SLC1A4: variants seen among roughly 807,000 people sequenced by gnomAD.
SLC1A4 encodes solute carrier family 1 member 4, also known as neutral amino acid transporter A.
Under a neutral mutation model 37.7 loss-of-function variants are expected in SLC1A4, and 19 were observed. That is an observed-to-expected ratio of 0.50 (90% CI 0.35 to 0.74). SLC1A4 has a LOEUF of 0.74. Ranked by LOEUF, SLC1A4 falls within the 30% of genes least tolerant of loss-of-function variation. The probability of loss-of-function intolerance (pLI) is 0.01; values close to 1 mark genes in which losing one functional copy is unlikely to be tolerated. For synonymous variants in SLC1A4, 299 were observed against 309.8 expected, an observed-to-expected ratio of 0.97 and a Z score of 0.37; for missense variants, 570 against 712.9, an observed-to-expected ratio of 0.80 and a Z score of 2.28.
At chr2:65,001,385 G>C in intron 1 of SLC1A4, 63 bp from the exon 2 acceptor site, 1 of 1,476,532 alleles carries the variant, frequency 6.8e-7, no homozygotes, top group Non-Finnish European at 9.5e-7. Flanking sequence ...CTGGGCAACA[G>C]GGACCTCATC....
chr2:65,009,391 GAAAA>G (rs990201062), intron 3 of SLC1A4, among the ~76,000 whole-genome samples: 1 of 146,096 alleles, frequency 6.8e-6, no homozygotes, highest in African/African-American at 2.5e-5. Flanking sequence ...AAAAAAAAAA[GAAAA>G]GAAAGAAAGA....
intron 1 of SLC1A4, among the ~76,000 whole-genome samples, chr2:64,991,832 A>G (rs2103628928): frequency 6.6e-6 from 1 of 152,100 alleles, no homozygotes; most frequent in East Asian, 1.9e-4. Context: ...TGATCTCCTG[A>G]CCTCGTGAGC....
Position 65,016,482 on chromosome 2 carries a change from C to G in SLC1A4, c.843C>G (p.Ile281Met). The change falls in exon 5 of 8, where the codon ATC (isoleucine) becomes ATG (methionine). Residue 281 changes from isoleucine to methionine, a missense_variant. By Grantham distance (10) the Ile-to-Met change is conservative (BLOSUM62 1). Coordinates refer to ENST00000234256, the MANE Select transcript of SLC1A4 (RefSeq NM_003038.5). ...TCATGTTCCTTGTTGGAAGCAAGAT[C>G]GTGGAAATGAAAGACATCATCGTGC... ...VGIMFLVGSKIVEMKDIIVLV... is the reference protein window; with the variant it reads ...VGIMFLVGSKMVEMKDIIVLV... The G allele has an allele frequency of 1.2e-6, 2 of 1,614,136 alleles. No individual in the cohort carries two copies. The highest frequency in any genetic ancestry group is 2.7e-5 in the African/African-American group (2 of 75,022).
At position 65,020,926 on chromosome 2, in the gene SLC1A4, C is replaced by A. The variant is rs1439142955; in HGVS notation, c.1379C>A (p.Thr460Lys). Reference sequence around the variant, plus strand: ...TTTCCCACCAGGGACCGGACCACCACGGTGGTGAATGTGGAAGGGGATGCC... The same window carrying A: ...TTTCCCACCAGGGACCGGACCACCAAGGTGGTGAATGTGGAAGGGGATGCC... Reference protein sequence around the residue: ...AVDWIVDRTTTVVNVEGDALG... With the variant: ...AVDWIVDRTTKVVNVEGDALG... Residue 460 changes from threonine (T) to lysine (K), a missense_variant, in exon 8 of 8, where the codon ACG becomes AAG. Transcript: ENST00000234256. 1 of 1,613,196 alleles carries A rather than the reference C, an allele frequency of 6.2e-7. No homozygotes were observed. The highest frequency in any genetic ancestry group is 8.5e-7 in the Non-Finnish European group (1 of 1,179,272).
chr2:64,991,410 G>T (rs1673045620), intron 1 of SLC1A4, among the ~76,000 whole-genome samples: 1 of 145,710 alleles, frequency 6.9e-6, no homozygotes, highest in Non-Finnish European at 1.5e-5. Context: ...GGACTTTTAA[G>T]GGGATCACAG....
intron 3 of SLC1A4, among the ~76,000 whole-genome samples, chr2:65,004,731 C>T (rs927694315): frequency 1.2e-4 from 19 of 152,068 alleles, no homozygotes; most frequent in African/African-American, 4.6e-4. Flanking sequence ...CCATATTTTA[C>T]CATGTAAATA....
At chr2:64,990,344 C>G (rs1673007215) in intron 1 of SLC1A4, among the ~76,000 whole-genome samples, 174 bp downstream of exon 1, 1 of 152,174 alleles carries the variant, frequency 6.6e-6, no homozygotes, top group Non-Finnish European at 1.5e-5. Context: ...GCGTGCTGAC[C>G]ACACCTTTGC....
chr2:65,010,840 G>A, intron 4 of SLC1A4, 77 bp downstream of exon 4: 2 of 1,476,146 alleles, frequency 1.4e-6, no homozygotes, highest in Non-Finnish European at 1.8e-6. Context: ...GCTGTTCTAG[G>A]TACCTGTGTG....
rs1572975571 is a variant in SLC1A4, at chr2:65,021,370, T to C, written c.*224T>C. 13 of 567,426 alleles carry C rather than the reference T, an allele frequency of 2.3e-5. 1 individual carries two copies. The East Asian group carries it at 3.8e-4, about 17-fold the overall frequency. The allele number at this position is 567,426 out of a possible 1,614,324, so 35.1% of individuals were successfully genotyped here. ...ACTCTGACATTCGGCTTGATCCATG[T>C]CCAGGTGCAACTGTGTGTACACCAG... On this transcript the variant is annotated 3_prime_UTR_variant, in exon 8 of 8. Transcript: ENST00000234256.
Position 65,018,265 on chromosome 2 carries a change from T to C in SLC1A4, c.1229T>C (p.Leu410Pro), listed in dbSNP as rs1674248054. 3 of 1,610,682 alleles carry C rather than the reference T, an allele frequency of 1.9e-6. No homozygotes were observed. The highest frequency in any genetic ancestry group is 2.5e-6 in the Non-Finnish European group (3 of 1,177,324). ...AACGCAGGACAGATTTTCACCATTC[T>C]GTAAGTTCCTCATTCTTTCCCTGGC... ...ELNAGQIFTILVTATASSVGA... is the reference protein window; with the variant it reads ...ELNAGQIFTIPVTATASSVGA... Residue 410 changes from leucine (L) to proline (P), a missense_variant and splice_region_variant, in exon 6 of 8, where the codon CTA (leucine) becomes CCA (proline). Transcript: ENST00000234256. This position sits in a 1 kb window ranked among gnomAD's most constrained non-coding sequence, Gnocchi z 4.3.
At position 65,018,647 on chromosome 2, in the gene SLC1A4, C is replaced by T; in HGVS notation, c.1332C>T (p.Asp444=). 6.2e-7 allele frequency: 1 copy of T among 1,614,204 alleles called. No homozygotes were observed. The highest frequency in any genetic ancestry group is 8.5e-7 in the Non-Finnish European group (1 of 1,180,026). The part of the protein sequence containing the change: ...ILEAIGLPTH[D]LPLILAVDWI... Reference sequence around the variant, plus strand: ...AGGCCATTGGGCTGCCTACTCATGACCTGCCTCTGATCCTGGCTGTGGACT... The same window carrying T: ...AGGCCATTGGGCTGCCTACTCATGATCTGCCTCTGATCCTGGCTGTGGACT... The change falls in exon 7 of 8, where the codon GAC becomes GAT. Residue 444 remains aspartate, a synonymous_variant. Transcript: ENST00000234256. This position sits in a 1 kb window ranked among gnomAD's most constrained non-coding sequence, Gnocchi z 4.3.
chr2:65,006,381 A>G (rs1000194535), intron 3 of SLC1A4, among the ~76,000 whole-genome samples: 2 of 152,122 alleles, frequency 1.3e-5, no homozygotes, highest in African/African-American at 2.4e-5. Flanking sequence ...AATCCCAGCT[A>G]CTTGGGAGGC....
intron 1 of SLC1A4, among the ~76,000 whole-genome samples, chr2:64,999,145 T>G (rs1436747149): frequency 6.6e-6 from 1 of 152,250 alleles, no homozygotes; most frequent in Non-Finnish European, 1.5e-5. Flanking sequence ...TCATCTATAC[T>G]CCGAAAACTA....
At chr2:64,998,044 T>C (rs544160041) in intron 1 of SLC1A4, among the ~76,000 whole-genome samples, 24 of 152,172 alleles carry the variant, frequency 1.6e-4, no homozygotes, top group Non-Finnish European at 3.2e-4. Context: ...TCATCCTGGC[T>C]AACATGGTGA....
rs1163210532 is a variant in SLC1A4 at position 64,989,981 on chromosome 2, T to C, written c.338T>C (p.Leu113Pro). Reference protein sequence around the residue: ...ASLDASCLGRLGGIAVAYFGL... With the variant: ...ASLDASCLGRPGGIAVAYFGL... ...CTCGATGCCAGCTGCCTCGGGCGTC[T>C]GGGCGGCATCGCTGTCGCCTACTTT... The change falls in exon 1 of 8, where the codon CTG becomes CCG. Residue 113 changes from leucine (L) to proline (P), a missense_variant. Coordinates refer to ENST00000234256, the MANE Select transcript of SLC1A4 (RefSeq NM_003038.5). 6.3e-7 allele frequency: 1 copy of C among 1,586,322 alleles called. No homozygotes were observed.
Position 65,021,438 on chromosome 2 carries a change from AATC to A in SLC1A4, c.*295_*297del, listed in dbSNP as rs1483420359. ...ACCCCTTGAGCTGCCAGGCTCAAGA[AATC>A]ATGGACTCACAGGGTCCTGTGTGGT... On this transcript the variant is annotated 3_prime_UTR_variant, in exon 8 of 8. Transcript: ENST00000234256. The A allele has an allele frequency of 2.3e-6, 1 of 433,608 alleles. No individual in the cohort carries two copies. Among genetic ancestry groups the A allele is most frequent in the Non-Finnish European group, 4.2e-6 (1 of 239,510 alleles). The allele number at this position is 433,608 out of a possible 1,614,324, so 26.9% of individuals were successfully genotyped here. A position where few individuals can be genotyped will look rare whatever the true frequency, so the allele number is the denominator to read the frequency against.
rs900385811 is a variant in SLC1A4, at chr2:65,023,387, T to C, written c.*2241T>C. On this transcript the variant is annotated 3_prime_UTR_variant, in exon 8 of 8. Transcript: ENST00000234256. ...AGTTTTAGCTCCAAGCCAAGCAAGTTTGTGTTTGGATAGAGGGGAACTTAA... is the reference window on the plus strand; with the variant it reads ...AGTTTTAGCTCCAAGCCAAGCAAGTCTGTGTTTGGATAGAGGGGAACTTAA... 9.9e-5 allele frequency: 15 copies of C among 152,160 alleles called. No homozygotes were observed. Among genetic ancestry groups the C allele is most frequent in the African/African-American group, 3.4e-4 (14 of 41,416 alleles). The allele number at this position is 152,160 out of a possible 1,614,324, so 9.4% of individuals were successfully genotyped here.
chr2:65,022,949 G>A lies in SLC1A4; in HGVS notation c.*1803G>A, dbSNP rs1018011823. On this transcript the variant is annotated 3_prime_UTR_variant, in exon 8 of 8. Coordinates refer to ENST00000234256, the MANE Select transcript of SLC1A4 (RefSeq NM_003038.5). ...TGAGATGAGAATGGGTAGATGGAAC[G>A]GAGACCATCAAGCCACACCCCCTTC... is the stretch of plus-strand genomic sequence containing the variant. The A allele has an allele frequency of 6.6e-6, 1 of 152,188 alleles. No individual in the cohort carries two copies. The highest frequency in any genetic ancestry group is 1.5e-5 in the Non-Finnish European group (1 of 68,070). The allele number at this position is 152,188 out of a possible 1,614,324, so 9.4% of individuals were successfully genotyped here. A position where few individuals can be genotyped will look rare whatever the true frequency, so the allele number is the denominator to read the frequency against.
At position 64,989,978 on chromosome 2, in the gene SLC1A4, G is replaced by C. The variant is rs769561112; in HGVS notation, c.335G>C (p.Arg112Pro). 6.3e-7 allele frequency: 1 copy of C among 1,584,776 alleles called. No homozygotes were observed. The highest frequency in any genetic ancestry group is 8.6e-7 in the Non-Finnish European group (1 of 1,165,324). Residue 112 changes from arginine to proline, a missense_variant, in exon 1 of 8, where the codon CGT (arginine) becomes CCT (proline). Physicochemically the swap from Arg to Pro is moderately radical, Grantham distance 103. Transcript: ENST00000234256. The stretch of plus-strand genomic sequence containing the variant: ...TCGCTCGATGCCAGCTGCCTCGGGC[G>C]TCTGGGCGGCATCGCTGTCGCCTAC... The part of the protein sequence containing the change: ...AASLDASCLG[R>P]LGGIAVAYFG...
Sources: allele counts gnomAD v4.1 joint callset (sites outside exome capture counted in the v4.1 genomes callset), GRCh38; gene constraint gnomAD v4.1.1; non-coding constraint Gnocchi (gnomAD v3.1); transcripts MANE v1.5; gene names NCBI Gene and HGNC (gene_info 2026-07-23, HGNC 2026-07-21).